The following CCAR1 variants were observed in gnomAD, a reference collection of about 807,000 sequenced individuals.
The protein encoded by CCAR1 is cell division cycle and apoptosis regulator 1.
A neutral mutation model predicts 163.8 loss-of-function variants in CCAR1; 78 were observed. The observed-to-expected ratio is 0.48, with a 90% CI of 0.40 to 0.57. CCAR1 has a LOEUF of 0.57. CCAR1 is among the 20% of genes least tolerant of loss of function. The pLI is 0.00. For synonymous variants in CCAR1, 443 were observed against 460.7 expected (o/e 0.96, Z 0.49); for missense variants, 1,019 against 1,365.2 (o/e 0.75, Z 4.00).
rs190265284 is a variant in CCAR1 at position 68,771,444 on chromosome 10, A to T, written c.2537A>T (p.Lys846Met). The change falls in exon 18 of 25, where the codon AAG becomes ATG. Residue 846 changes from lysine (K) to methionine (M), a missense_variant and splice_region_variant. Lys to Met is a moderately conservative substitution (Grantham distance 95). Around this residue, in one of 4 missense-constraint regions of CCAR1, gnomAD observed 358 missense variants for 406.4 expected, o/e 0.88. Transcript: ENST00000265872. ...KDKKEDRDER[K>M]KEDKRKDDSK... Reference sequence around the variant, plus strand: ...AAAAAAGAAGATAGAGATGAAAGGAAGGTCTGTAATAACAACCTGCTTTAG... The same window carrying T: ...AAAAAAGAAGATAGAGATGAAAGGATGGTCTGTAATAACAACCTGCTTTAG... 1 of 1,580,604 alleles carries T rather than the reference A, an allele frequency of 6.3e-7. No individual in the cohort carries two copies. The highest frequency in any genetic ancestry group is 1.4e-5 in the African/African-American group (1 of 72,890).
At position 68,788,269 on chromosome 10, in the gene CCAR1, A is replaced by G; in HGVS notation, c.3128A>G (p.Lys1043Arg). The G allele has an allele frequency of 6.3e-7, 1 of 1,599,246 alleles. No individual in the cohort carries two copies. The stretch of plus-strand genomic sequence containing the variant: ...GGAAGCCTCTTGCAAAAATTGGAAA[A>G]GAGCGAAAAAGTAAGAGCTGAGGTA... Reference protein sequence around the residue: ...DVGSLLQKLEKSEKVRAEVEQ... With the variant: ...DVGSLLQKLERSEKVRAEVEQ... The change falls in exon 23 of 25, where the codon AAG becomes AGG. Residue 1043 changes from lysine to arginine, a missense_variant. Physicochemically the swap from Lys to Arg is conservative, Grantham distance 26. Around this residue, in one of 4 missense-constraint regions of CCAR1, gnomAD observed 358 missense variants for 406.4 expected, o/e 0.88. Transcript: ENST00000265872.
chr10:68,739,793 C>T (rs962440158), intron 4 of CCAR1, among the ~76,000 whole-genome samples: 10 of 152,056 alleles, frequency 6.6e-5, no homozygotes, highest in African/African-American at 2.4e-4. Flanking sequence ...TCTTAACTTA[C>T]AAAAAAATAG....
At chr10:68,767,543 G>A (rs1009089806) in intron 17 of CCAR1, among the ~76,000 whole-genome samples, 7 of 151,858 alleles carry the variant, frequency 4.6e-5, no homozygotes, top group Middle Eastern at 3.4e-3. Flanking sequence ...AACTGCACCC[G>A]GCCTATTTAT....
chr10:68,787,892 C>A, intron 21 of CCAR1, 35 bp from the exon 22 acceptor site: 2 of 1,551,930 alleles, frequency 1.3e-6, no homozygotes, highest in Non-Finnish European at 1.7e-6. Flanking sequence ...AATGTATTTT[C>A]ATCTCTGTAT....
chr10:68,736,822 T>G (rs2056116993), intron 2 of CCAR1, 54 bp from the exon 3 acceptor site: 13 of 1,515,478 alleles, frequency 8.6e-6, no homozygotes, highest in Middle Eastern at 3.5e-4. Flanking sequence ...TTTCATATTT[T>G]TTATATTCTT....
Position 68,756,013 on chromosome 10 carries a change from T to G in CCAR1, c.1626-260T>G, listed in dbSNP as rs776628520. 6.6e-6 allele frequency among the ~76,000 whole-genome samples: 1 copy of G among 152,348 alleles called. No individual in the cohort carries two copies. Among genetic ancestry groups the G allele is most frequent in the East Asian group, 1.9e-4 (1 of 5,190 alleles). On this transcript the variant is annotated intron_variant, in intron 13 of 24. Transcript: ENST00000265872. The surrounding 1 kb of genome is among the most constrained non-coding windows in gnomAD (Gnocchi z 5.1). ...ATGAAATCTGAACAGCTATCCAGCT[T>G]CTTCAGGTATTCTCTAAAATGCGGG...
In CCAR1 at chr10:68,728,024, A is replaced by C. The variant is rs183362538; in HGVS notation, c.73+5447A>C. ...GCTAATTTTTGTATATTTAGTAGAG[A>C]CACGGTTTCACCATGTTGTCCAGGC... On this transcript the variant is annotated intron_variant, in intron 2 of 24. Coordinates refer to ENST00000265872, the MANE Select transcript of CCAR1 (RefSeq NM_018237.4). Among the ~76,000 whole-genome samples the C allele has an allele frequency of 2.8e-3, 421 of 152,206 alleles. 3 individuals are homozygous for C. The highest frequency in any genetic ancestry group is 9.5e-3 in the African/African-American group (393 of 41,532).
At chr10:68,755,241 CCTTGA>C in intron 12 of CCAR1, 124 bp from the exon 13 acceptor site, 1 of 860,188 alleles carries the variant, frequency 1.2e-6, no homozygotes, top group South Asian at 1.3e-5. Flanking sequence ...CTGAACTCTT[CCTTGA>C]CTGACAGATA....
rs898393763 is a variant in CCAR1 at position 68,754,938 on chromosome 10, ATT to A, written c.1458+114_1458+115del. 9.3e-6 allele frequency: 6 copies of A among 641,824 alleles called. No homozygotes were observed. The African/African-American group carries it at 1.1e-4, about 12-fold the overall frequency. The allele number at this position is 641,824 out of a possible 1,614,324, so 39.8% of individuals were successfully genotyped here. On this transcript the variant is annotated intron_variant, in intron 12 of 24. Coordinates refer to ENST00000265872, the MANE Select transcript of CCAR1 (RefSeq NM_018237.4). ...TTTAATATTTGTTGATTAATGAGTAATTTTAGTATTAAGGCACCCAGAATTTA... is the reference window on the plus strand; with the variant it reads ...TTTAATATTTGTTGATTAATGAGTAATTAGTATTAAGGCACCCAGAATTTA...
At chr10:68,748,996 A>T (rs2056296215) in intron 8 of CCAR1, 140 bp from the exon 9 acceptor site, 1 of 944,338 alleles carries the variant, frequency 1.1e-6, no homozygotes, top group Admixed American at 2.7e-5. Context: ...TTCTTTAAAA[A>T]TATATATAAA....
intron 19 of CCAR1, among the ~76,000 whole-genome samples, chr10:68,783,762 G>A (rs1176443908): frequency 6.6e-6 from 1 of 151,538 alleles, no homozygotes; most frequent in Non-Finnish European, 1.5e-5. Flanking sequence ...ATTGTTTGCT[G>A]CTTTTTTTTT....
intron 17 of CCAR1, among the ~76,000 whole-genome samples, chr10:68,770,769 A>C (rs985962925): frequency 1.3e-5 from 2 of 151,922 alleles, no homozygotes; most frequent in African/African-American, 4.8e-5. Flanking sequence ...AAAAAGATTA[A>C]TGGTTGTGTT....
At chr10:68,744,204 A>AT (rs796933068) in intron 6 of CCAR1, among the ~76,000 whole-genome samples, 10 of 152,234 alleles carry the variant, frequency 6.6e-5, no homozygotes, top group African/African-American at 2.2e-4. Context: ...ATAATTTTGT[A>AT]TTTTTTCCTG....
At chr10:68,743,081 C>T (rs1427208121) in intron 6 of CCAR1, among the ~76,000 whole-genome samples, 3 of 151,892 alleles carry the variant, frequency 2.0e-5, no homozygotes, top group Non-Finnish European at 2.9e-5. Context: ...AACAGGCATG[C>T]GCCAGCACGC....
chr10:68,748,113 C>T (rs909776602), intron 8 of CCAR1, among the ~76,000 whole-genome samples: 2 of 152,182 alleles, frequency 1.3e-5, no homozygotes, highest in African/African-American at 2.4e-5. Flanking sequence ...TTCGGCCTCC[C>T]AAAGTACTGG....
Position 68,745,092 on chromosome 10 carries a change from G to A in CCAR1, c.519-2069G>A, listed in dbSNP as rs568717027. 1.0e-3 allele frequency among the ~76,000 whole-genome samples: 156 copies of A among 152,068 alleles called. 1 individual carries two copies. The highest frequency in any genetic ancestry group is 3.6e-3 in the African/African-American group (149 of 41,508). On this transcript the variant is annotated intron_variant, in intron 6 of 24. Coordinates refer to ENST00000265872, the MANE Select transcript of CCAR1 (RefSeq NM_018237.4). The stretch of plus-strand genomic sequence containing the variant: ...GCAATCTTGGCTCACTGTAACCTCC[G>A]CCTTCTGGTTTCAAGTGATTCTCCT...
chr10:68,734,313 G>GT lies in CCAR1; in HGVS notation c.74-2562dup, dbSNP rs2056079652. Among the ~76,000 whole-genome samples the GT allele has an allele frequency of 2.0e-5, 3 of 151,964 alleles. No individual in the cohort carries two copies. The South Asian group carries it at 6.2e-4, about 32-fold the overall frequency. On this transcript the variant is annotated intron_variant, in intron 2 of 24. Coordinates refer to ENST00000265872, the MANE Select transcript of CCAR1 (RefSeq NM_018237.4). Reference sequence around the variant, plus strand: ...AAAGCAAGATAGTTTGGGGAAGGGAGTGTTCCATGAGCAAATACTGGTTTT... The same window carrying GT: ...AAAGCAAGATAGTTTGGGGAAGGGAGTTGTTCCATGAGCAAATACTGGTTTT...
chr10:68,771,305 A>C lies in CCAR1; in HGVS notation c.2398A>C (p.Lys800Gln), dbSNP rs2056599319. The C allele has an allele frequency of 3.1e-6, 5 of 1,609,060 alleles. No individual in the cohort carries two copies. In the South Asian group the frequency reaches 5.6e-5, roughly 18 times the overall value. The change falls in exon 18 of 25, where the codon AAA becomes CAA. Residue 800 changes from lysine to glutamine, a missense_variant. By Grantham distance (53) the Lys-to-Gln change is moderately conservative. Around this residue, in one of 4 missense-constraint regions of CCAR1, gnomAD observed 358 missense variants for 406.4 expected, o/e 0.88. Transcript: ENST00000265872. ...LLSLPEKEDK[K>Q]EKDKKSKKDE... ...GTCTCTTCCTGAGAAAGAGGACAAA[A>C]AAGAAAAGGATAAAAAAAGCAAAAA... is the stretch of plus-strand genomic sequence containing the variant.
chr10:68,756,694 CA>C lies in CCAR1; in HGVS notation c.1836+214del. 1.6e-6 allele frequency: 1 copy of C among 642,484 alleles called. No individual in the cohort carries two copies. Among genetic ancestry groups the C allele is most frequent in the East Asian group, 3.0e-5 (1 of 32,946 alleles). The allele number at this position is 642,484 out of a possible 1,614,324, so 39.8% of individuals were successfully genotyped here. A position where few individuals can be genotyped will look rare whatever the true frequency, so the allele number is the denominator to read the frequency against. The stretch of plus-strand genomic sequence containing the variant: ...CCTAACTTTAAGAGTGCTGAGACCT[CA>C]AAGGAAAATAAGTTGTGCTTAAATT... On this transcript the variant is annotated intron_variant, in intron 14 of 24. Coordinates refer to ENST00000265872, the MANE Select transcript of CCAR1 (RefSeq NM_018237.4). The surrounding 1 kb of genome is among the most constrained non-coding windows in gnomAD (Gnocchi z 5.1).
Sources: gnomAD v4.1 joint callset for allele counts (sites outside exome capture counted in the v4.1 genomes callset) on GRCh38, gnomAD v4.1.1 for gene constraint, gnomAD v4.1.1 regional missense constraint, Gnocchi (gnomAD v3.1) non-coding constraint, MANE v1.5 for transcripts, NCBI Gene and HGNC (gene_info 2026-07-23, HGNC 2026-07-21) for gene names.